NALF1: variants seen among roughly 807,000 people sequenced by gnomAD.
The protein encoded by NALF1 is family with sequence similarity 155 member A.
In NALF1, 3 loss-of-function variants were observed where a neutral mutation model predicts 48.4. That is an observed-to-expected ratio of 0.06 (90% confidence interval 0.03 to 0.16). The LOEUF (loss-of-function observed/expected upper bound fraction) is 0.16, where lower values mean the gene tolerates loss of function less well. NALF1 is among the 10% of genes least tolerant of loss of function. The pLI is 1.00. For missense variants in NALF1, 526 were observed against 571.5 expected (o/e 0.92, Z 0.81); for synonymous variants, 262 against 245.7 (o/e 1.07, Z -0.62).
At chr13:107,735,063 A>G (rs544814603) in intron 1 of NALF1, among the ~76,000 whole-genome samples, 3 of 152,188 alleles carry the variant, frequency 2.0e-5, no homozygotes, top group Non-Finnish European at 2.9e-5. Flanking sequence ...CCCACCAAGA[A>G]TACAATATTC....
In NALF1 at chr13:107,816,272, T is replaced by C. The variant is rs78381052; in HGVS notation, c.915+49410A>G. Among the ~76,000 whole-genome samples, 21 of 152,282 alleles carry C rather than the reference T, an allele frequency of 1.4e-4. 1 individual carries two copies. The East Asian group carries it at 2.7e-3, about 20-fold the overall frequency. On this transcript the variant is annotated intron_variant, in intron 1 of 2. Transcript: ENST00000375915. Reference sequence around the variant, plus strand: ...CTTTTTAAAAGAGTGAATTGAATGATAGATGCATTAGTCCATTTTCACGCT... The same window carrying C: ...CTTTTTAAAAGAGTGAATTGAATGACAGATGCATTAGTCCATTTTCACGCT...
intron 1 of NALF1, among the ~76,000 whole-genome samples, chr13:107,852,978 A>G (rs1438351825): frequency 1.3e-5 from 2 of 152,168 alleles, no homozygotes; most frequent in Non-Finnish European, 2.9e-5. Context: ...TGTCCCATGC[A>G]TTTCAAATGT....
chr13:107,310,313 G>A (rs1269722916), intron 1 of NALF1, among the ~76,000 whole-genome samples: 1 of 151,618 alleles, frequency 6.6e-6, no homozygotes, highest in Non-Finnish European at 1.5e-5. Context: ...GGGAGGCTGA[G>A]GCATGAGAAT....
chr13:107,451,839 G>A (rs771285021), intron 1 of NALF1, among the ~76,000 whole-genome samples: 42 of 152,136 alleles, frequency 2.8e-4, no homozygotes, highest in Non-Finnish European at 4.6e-4. Flanking sequence ...ATCAAAGGTC[G>A]ATAATAACGT....
At chr13:107,244,560 G>A (rs1403251028) in intron 1 of NALF1, among the ~76,000 whole-genome samples, 1 of 152,072 alleles carries the variant, frequency 6.6e-6, no homozygotes, top group African/African-American at 2.4e-5. Flanking sequence ...AGTTTTTTTG[G>A]AGCTTCTGTG....
rs556116376 is a variant in NALF1 at position 107,486,234 on chromosome 13, C to T, written c.916-275479G>A. 1.1e-4 allele frequency among the ~76,000 whole-genome samples: 16 copies of T among 152,248 alleles called. 1 individual carries two copies. Among genetic ancestry groups the T allele is most frequent in the African/African-American group, 3.1e-4 (13 of 41,550 alleles). On this transcript the variant is annotated intron_variant, in intron 1 of 2. Coordinates refer to ENST00000375915, the MANE Select transcript of NALF1 (RefSeq NM_001080396.3). ...CACACAGGATATTCATCTGTCCTTA[C>T]GGATCGGAACAGAGCTAAGCTGATT...
At chr13:107,310,605 G>A (rs1196252091) in intron 1 of NALF1, among the ~76,000 whole-genome samples, 1 of 151,628 alleles carries the variant, frequency 6.6e-6, no homozygotes, top group Non-Finnish European at 1.5e-5. Flanking sequence ...ACAAAATCCT[G>A]GTTTTCTTTG....
At chr13:107,216,904 G>A (rs912127829) in intron 1 of NALF1, among the ~76,000 whole-genome samples, 6 of 152,166 alleles carry the variant, frequency 3.9e-5, no homozygotes, top group African/African-American at 1.2e-4. Flanking sequence ...AGATCAACTC[G>A]GCTGTGCTTT....
chr13:107,554,964 T>C (rs1877414191), intron 1 of NALF1, among the ~76,000 whole-genome samples: 2 of 152,122 alleles, frequency 1.3e-5, no homozygotes, highest in South Asian at 2.1e-4. Flanking sequence ...GAGCCTAACC[T>C]GTCCGGGGAG....
At chr13:107,628,804 T>A (rs1267673790) in intron 1 of NALF1, among the ~76,000 whole-genome samples, 2 of 152,160 alleles carry the variant, frequency 1.3e-5, no homozygotes, top group East Asian at 3.8e-4. Context: ...TTTTTAATAA[T>A]CATGGCATCT....
At chr13:107,429,272 T>C (rs1219668472) in intron 1 of NALF1, among the ~76,000 whole-genome samples, 1 of 150,182 alleles carries the variant, frequency 6.7e-6, no homozygotes. Flanking sequence ...CAGTGAGCCA[T>C]GATTGTGCCA....
chr13:107,203,175 C>T (rs1879556985), intron 2 of NALF1, among the ~76,000 whole-genome samples: 1 of 152,184 alleles, frequency 6.6e-6, no homozygotes, highest in African/African-American at 2.4e-5. Flanking sequence ...AAGATTTCAC[C>T]TGTTCTGGGA....
At chr13:107,569,108 T>C (rs1158400597) in intron 1 of NALF1, among the ~76,000 whole-genome samples, 1 of 152,136 alleles carries the variant, frequency 6.6e-6, no homozygotes, top group Non-Finnish European at 1.5e-5. Flanking sequence ...ATATAAAGTG[T>C]GAGATACAGG....
intron 1 of NALF1, among the ~76,000 whole-genome samples, chr13:107,673,342 A>G (rs1881035876): frequency 6.6e-6 from 1 of 152,168 alleles, no homozygotes; most frequent in Non-Finnish European, 1.5e-5. Context: ...ATAGCCAGGG[A>G]TTGGAGCTTG....
intron 1 of NALF1, among the ~76,000 whole-genome samples, chr13:107,803,353 G>A (rs890617775): frequency 1.3e-5 from 2 of 152,056 alleles, no homozygotes; most frequent in African/African-American, 4.8e-5. Flanking sequence ...TAGGATTCTA[G>A]TTGGTTTCTA....
At chr13:107,416,173 A>T (rs1884084790) in intron 1 of NALF1, among the ~76,000 whole-genome samples, 1 of 70,060 alleles carries the variant, frequency 1.4e-5, no homozygotes, top group South Asian at 4.0e-4. Context: ...TGCCCGGCTA[A>T]ATTTTTTTTT....
At chr13:107,298,414 G>A (rs1404635856) in intron 1 of NALF1, among the ~76,000 whole-genome samples, 6 of 141,862 alleles carry the variant, frequency 4.2e-5, no homozygotes, top group South Asian at 2.2e-4. Flanking sequence ...ACATATACAC[G>A]TTTCTTTTTT....
chr13:107,204,320 CAT>C (rs969238198), intron 2 of NALF1, among the ~76,000 whole-genome samples: 1 of 152,252 alleles, frequency 6.6e-6, no homozygotes, highest in Non-Finnish European at 1.5e-5. Context: ...GGCTGGACTA[CAT>C]GGGGTCCCAT....
intron 1 of NALF1, among the ~76,000 whole-genome samples, chr13:107,647,462 C>T (rs1354074022): frequency 6.9e-6 from 1 of 144,906 alleles, no homozygotes; most frequent in African/African-American, 2.6e-5. Context: ...TATGTTTTAT[C>T]GAAAAAAAAA....
Sources: gnomAD v4.1 joint callset for allele counts (sites outside exome capture counted in the v4.1 genomes callset) on GRCh38, gnomAD v4.1.1 for gene constraint, MANE v1.5 for transcripts, NCBI Gene and HGNC (gene_info 2026-07-23, HGNC 2026-07-21) for gene names.